ROBO1: variants seen among roughly 807,000 people sequenced by gnomAD.
ROBO1 encodes the protein roundabout homolog 1.
Under a neutral mutation model 195.9 loss-of-function variants are expected in ROBO1, and 149 were observed. That is an observed-to-expected ratio of 0.76 (90% CI 0.67 to 0.87). The LOEUF is 0.87. Among genes scored for constraint, ROBO1 ranks in the 40% least tolerant of loss-of-function variants. The pLI, the probability that ROBO1 is intolerant of heterozygous loss-of-function variation, is 0.00. For missense variants in ROBO1, 1,933 were observed against 2,068.3 expected, an observed-to-expected ratio of 0.93 and a Z score of 1.27; for synonymous variants, 816 against 733.2, an observed-to-expected ratio of 1.11 and a Z score of -1.82.
chr3:79,331,916 G>A (rs1040066519), intron 2 of ROBO1, among the ~76,000 whole-genome samples: 2 of 152,124 alleles, frequency 1.3e-5, no homozygotes, highest in African/African-American at 2.4e-5. Context: ...GCCGAGGCGG[G>A]CAGATCACGA....
intron 2 of ROBO1, among the ~76,000 whole-genome samples, chr3:79,503,710 G>A (rs957374451): frequency 2.0e-5 from 3 of 152,208 alleles, no homozygotes; most frequent in Non-Finnish European, 4.4e-5. Context: ...AATTGTCTCT[G>A]AGAAATCTGT....
intron 19 of ROBO1, among the ~76,000 whole-genome samples, chr3:78,651,330 A>G (rs929201995): frequency 1.3e-5 from 2 of 152,180 alleles, no homozygotes; most frequent in Non-Finnish European, 2.9e-5. Context: ...TTGCTTCACA[A>G]AGGGTAACAA....
At chr3:79,689,418 CTGAT>C (rs1434535986) in intron 1 of ROBO1, among the ~76,000 whole-genome samples, 5 of 151,878 alleles carry the variant, frequency 3.3e-5, no homozygotes, top group Non-Finnish European at 7.4e-5. Flanking sequence ...ATCTTTATTC[CTGAT>C]TGTTTCTTCA....
chr3:79,257,190 G>C (rs1016870339), intron 2 of ROBO1, among the ~76,000 whole-genome samples: 3 of 152,180 alleles, frequency 2.0e-5, no homozygotes, highest in Non-Finnish European at 4.4e-5. Context: ...TCTTTAAACT[G>C]TCAGTCTGAG....
intron 2 of ROBO1, among the ~76,000 whole-genome samples, chr3:79,134,551 T>G (rs376890114): frequency 3.8e-4 from 10 of 25,984 alleles, no homozygotes; most frequent in African/African-American, 1.2e-3. Context: ...TATACCCAAA[T>G]GACTATAAAT....
At chr3:79,237,547 G>A (rs1330610156) in intron 2 of ROBO1, among the ~76,000 whole-genome samples, 1 of 151,842 alleles carries the variant, frequency 6.6e-6, no homozygotes, top group African/African-American at 2.4e-5. Flanking sequence ...CAGAAGCATT[G>A]AAAATCAAAA....
chr3:78,617,907 T>A lies in ROBO1; in HGVS notation c.4010A>T (p.Glu1337Val). 1 of 1,614,004 alleles carries A rather than the reference T, an allele frequency of 6.2e-7. No individual in the cohort carries two copies. Among genetic ancestry groups the A allele is most frequent in the South Asian group, 1.1e-5 (1 of 91,086 alleles). The change falls in exon 27 of 31, where the codon GAG becomes GTG. Residue 1337 changes from glutamate to valine, a missense_variant. By Grantham distance (121) the Glu-to-Val change is moderately radical (BLOSUM62 -2). Coordinates refer to ENST00000464233, the MANE Select transcript of ROBO1 (RefSeq NM_002941.4). ...CCTTCTGGTTTGCATCTTGGCTACC[T>A]CCATGTCGGCTTCGTCTTCTTCCTC... ...PEEEEDEADM[E>V]VAKMQTRRLL...
At chr3:79,713,555 T>C (rs1702361815) in intron 1 of ROBO1, among the ~76,000 whole-genome samples, 1 of 152,048 alleles carries the variant, frequency 6.6e-6, no homozygotes, top group African/African-American at 2.4e-5. Flanking sequence ...AGAACTAGAA[T>C]TAGAAGTGAA....
intron 1 of ROBO1, among the ~76,000 whole-genome samples, chr3:79,677,982 A>G (rs2106949135): frequency 6.6e-6 from 1 of 152,272 alleles, no homozygotes; most frequent in Admixed American, 6.5e-5. Flanking sequence ...TTACATATCA[A>G]GGAACAAGAG....
intron 1 of ROBO1, among the ~76,000 whole-genome samples, chr3:79,663,804 A>T (rs11710563): frequency 0.025 from 3,828 of 152,058 alleles, 77 homozygotes; most frequent in East Asian, 0.11. Context: ...ATATCCTGGA[A>T]TCTCTTCCCA....
intron 2 of ROBO1, among the ~76,000 whole-genome samples, chr3:79,265,341 GTAGTTCCT>G (rs1398214818): frequency 6.6e-6 from 1 of 151,256 alleles, no homozygotes; most frequent in Non-Finnish European, 1.5e-5. Flanking sequence ...TTAGCAAATG[GTAGTTCCT>G]TATTCATTTA....
chr3:78,924,974 ATTT>A (rs1045895299), intron 4 of ROBO1, among the ~76,000 whole-genome samples: 1 of 151,922 alleles, frequency 6.6e-6, no homozygotes, highest in Admixed American at 6.6e-5. Context: ...TAAATCTATT[ATTT>A]TTTTAATTTA....
chr3:79,303,483 G>C (rs1014700250), intron 2 of ROBO1, among the ~76,000 whole-genome samples: 4 of 151,772 alleles, frequency 2.6e-5, no homozygotes, highest in African/African-American at 9.7e-5. Context: ...CATTTTTGTG[G>C]TGAGAATACT....
intron 8 of ROBO1, among the ~76,000 whole-genome samples, chr3:78,712,026 A>C (rs967262157): frequency 1.4e-5 from 2 of 140,226 alleles, no homozygotes; most frequent in South Asian, 2.3e-4. Flanking sequence ...GCAAAAAAAA[A>C]AAAAAAAAAA....
intron 2 of ROBO1, among the ~76,000 whole-genome samples, chr3:79,145,011 T>C (rs1443634715): frequency 1.3e-5 from 2 of 152,022 alleles, no homozygotes; most frequent in African/African-American, 4.8e-5. Flanking sequence ...CATAAAATTG[T>C]TCTACAAAAA....
chr3:79,723,418 C>T (rs778373116), intron 1 of ROBO1, among the ~76,000 whole-genome samples: 2 of 152,064 alleles, frequency 1.3e-5, no homozygotes, highest in Non-Finnish European at 2.9e-5. Context: ...CTTGAATTAA[C>T]AAAATGACAA....
At chr3:78,987,382 G>A (rs1418891693) in intron 3 of ROBO1, among the ~76,000 whole-genome samples, 2 of 152,060 alleles carry the variant, frequency 1.3e-5, no homozygotes, top group South Asian at 2.1e-4. Context: ...GGGGCAGGGA[G>A]ACTCTTAAGC....
In ROBO1 at chr3:79,215,210, C is replaced by T. The variant is rs547732935; in HGVS notation, c.89-89671G>A. 8.5e-5 allele frequency among the ~76,000 whole-genome samples: 13 copies of T among 152,142 alleles called. 1 individual carries two copies. The South Asian group carries it at 2.7e-3, about 32-fold the overall frequency. On this transcript the variant is annotated intron_variant, in intron 2 of 30. Transcript: ENST00000464233. Reference sequence around the variant, plus strand: ...TTAGCTCTGATGACTTGTACACTTACGCCAAAATAGCAATAAGTCTCAGTG... The same window carrying T: ...TTAGCTCTGATGACTTGTACACTTATGCCAAAATAGCAATAAGTCTCAGTG...
At chr3:79,676,695 T>C (rs1354233510) in intron 1 of ROBO1, among the ~76,000 whole-genome samples, 1 of 152,046 alleles carries the variant, frequency 6.6e-6, no homozygotes, top group East Asian at 1.9e-4. Flanking sequence ...GCTTATATCA[T>C]ATCCTGGAAT....
Sources: gnomAD v4.1 joint callset for allele counts (sites outside exome capture counted in the v4.1 genomes callset) on GRCh38, gnomAD v4.1.1 for gene constraint, MANE v1.5 for transcripts, NCBI Gene and HGNC (gene_info 2026-07-23, HGNC 2026-07-21) for gene names.